MKX: variants seen among roughly 807,000 people sequenced by gnomAD.
MKX encodes the protein homeobox protein Mohawk.
MKX carries 13 observed loss-of-function variants against 36.0 expected under a neutral mutation model. The observed-to-expected ratio is 0.36, with a 90% confidence interval of 0.24 to 0.57. The LOEUF (loss-of-function observed/expected upper bound fraction) is 0.57, where lower values mean the gene tolerates loss of function less well. Among genes scored for constraint, MKX ranks in the 20% least tolerant of loss-of-function variants. The pLI, the probability that MKX is intolerant of heterozygous loss-of-function variation, is 0.79. For synonymous variants in MKX, 176 were observed against 178.3 expected (o/e 0.99, Z 0.10); for missense variants, 458 against 456.4 (o/e 1.00, Z -0.03).
rs1190288953 is a variant in MKX, at chr10:27,744,540, CAG to C, written c.-82-1045_-82-1044del. Among the ~76,000 whole-genome samples, 1 of 152,076 alleles carries C rather than the reference CAG, an allele frequency of 6.6e-6. No homozygotes were observed. The highest frequency in any genetic ancestry group is 1.9e-4 in the East Asian group (1 of 5,152). On this transcript the variant is annotated intron_variant, in intron 1 of 6. Transcript: ENST00000419761. This position sits in a 1 kb window ranked among gnomAD's most constrained non-coding sequence, Gnocchi z 5.6. ...GCAAGTCCGCGCGGCCGCGGAGCCG[CAG>C]AGTTACAGCCCCAAGGCGCGCGGCG...
chr10:27,692,895 G>A (rs150613602), intron 5 of MKX, among the ~76,000 whole-genome samples: 2 of 152,304 alleles, frequency 1.3e-5, no homozygotes, highest in African/African-American at 2.4e-5. Flanking sequence ...TCTCTAAAGA[G>A]GAACAGGGAC....
At chr10:27,698,742 A>G (rs1049947019) in intron 5 of MKX, among the ~76,000 whole-genome samples, 1 of 152,218 alleles carries the variant, frequency 6.6e-6, no homozygotes, top group Non-Finnish European at 1.5e-5. Flanking sequence ...TTTTGCAAAA[A>G]GAAAACCGCG....
chr10:27,706,345 G>T (rs750499745), intron 5 of MKX, among the ~76,000 whole-genome samples: 9 of 152,066 alleles, frequency 5.9e-5, no homozygotes, highest in Non-Finnish European at 4.4e-5. Context: ...ACAAACATGG[G>T]TATACAAATA....
Position 27,708,742 on chromosome 10 carries a change from G to A in MKX, c.838+25714C>T, listed in dbSNP as rs956427506. 8.3e-5 allele frequency among the ~76,000 whole-genome samples: 12 copies of A among 143,942 alleles called. 1 individual carries two copies. Among genetic ancestry groups the A allele is most frequent in the Admixed American group, 6.2e-4 (9 of 14,610 alleles). The allele number at this position is 143,942 out of a possible 152,430, so 94.4% of individuals were successfully genotyped here. A position where few individuals can be genotyped will look rare whatever the true frequency, so the allele number is the denominator to read the frequency against. ...GACTTCTTTTCAAAAAAAAAAAAAC[G>A]ACTATTGCCAGATAATATGTCGAGT... On this transcript the variant is annotated intron_variant, in intron 5 of 6. Coordinates refer to ENST00000419761, the MANE Select transcript of MKX (RefSeq NM_173576.3).
At chr10:27,708,831 CAACA>C (rs1836803237) in intron 5 of MKX, among the ~76,000 whole-genome samples, 1 of 151,964 alleles carries the variant, frequency 6.6e-6, no homozygotes, top group African/African-American at 2.4e-5. Context: ...CAGATCCAAC[CAACA>C]GTGAATCGAA....
intron 5 of MKX, among the ~76,000 whole-genome samples, chr10:27,689,950 C>T (rs1334312681): frequency 6.6e-6 from 1 of 152,186 alleles, no homozygotes; most frequent in African/African-American, 2.4e-5. Flanking sequence ...TGATTATGTT[C>T]CTTTCCTATT....
intron 5 of MKX, among the ~76,000 whole-genome samples, chr10:27,699,896 G>T (rs1836622254): frequency 6.6e-6 from 1 of 152,170 alleles, no homozygotes; most frequent in South Asian, 2.1e-4. Context: ...ATATGCTATT[G>T]GCAAAGCTCA....
intron 5 of MKX, among the ~76,000 whole-genome samples, chr10:27,681,904 A>G (rs1212922734): frequency 6.6e-6 from 1 of 151,726 alleles, no homozygotes; most frequent in Non-Finnish European, 1.5e-5. Flanking sequence ...CCTGGGTGAC[A>G]GAGCAAGACT....
intron 5 of MKX, among the ~76,000 whole-genome samples, chr10:27,703,987 A>AATG (rs1417828050): frequency 6.6e-6 from 1 of 152,196 alleles, no homozygotes; most frequent in Non-Finnish European, 1.5e-5. Flanking sequence ...AGACTACCAA[A>AATG]ATGATAAGCA....
At chr10:27,720,223 T>C (rs1335328229) in intron 5 of MKX, among the ~76,000 whole-genome samples, 1 of 151,958 alleles carries the variant, frequency 6.6e-6, no homozygotes, top group Non-Finnish European at 1.5e-5. Flanking sequence ...GCTAACTTTA[T>C]TTAAAATTTC....
At chr10:27,704,745 T>C (rs965919155) in intron 5 of MKX, among the ~76,000 whole-genome samples, 5 of 152,134 alleles carry the variant, frequency 3.3e-5, no homozygotes, top group Non-Finnish European at 5.9e-5. Context: ...ATTGAGACCA[T>C]AGAAATCCTT....
At position 27,744,407 on chromosome 10, in the gene MKX, G is replaced by A. The variant is rs1353146940; in HGVS notation, c.-82-910C>T. Among the ~76,000 whole-genome samples, 2 of 152,082 alleles carry A rather than the reference G, an allele frequency of 1.3e-5. No homozygotes were observed. Among genetic ancestry groups the A allele is most frequent in the African/African-American group, 4.8e-5 (2 of 41,412 alleles). ...GAAGCCCAAGGCAGGAGGCAGCTTG[G>A]TCGGCGCACCTCCCGGGCCACTGCT... On this transcript the variant is annotated intron_variant, in intron 1 of 6. Coordinates refer to ENST00000419761, the MANE Select transcript of MKX (RefSeq NM_173576.3). This position sits in a 1 kb window ranked among gnomAD's most constrained non-coding sequence, Gnocchi z 5.6.
At chr10:27,720,078 A>G (rs1834342856) in intron 5 of MKX, among the ~76,000 whole-genome samples, 1 of 152,056 alleles carries the variant, frequency 6.6e-6, no homozygotes, top group Non-Finnish European at 1.5e-5. Flanking sequence ...CTAGAAGATA[A>G]AGCTAAAACT....
intron 5 of MKX, among the ~76,000 whole-genome samples, chr10:27,727,137 A>G (rs1422022982): frequency 1.3e-5 from 2 of 152,238 alleles, no homozygotes; most frequent in Non-Finnish European, 2.9e-5. Context: ...GTACCACAAC[A>G]TAAAAGGACA....
intron 5 of MKX, among the ~76,000 whole-genome samples, chr10:27,732,850 C>T (rs1381762672): frequency 1.3e-5 from 2 of 151,978 alleles, no homozygotes; most frequent in Non-Finnish European, 1.5e-5. Flanking sequence ...TGGGCTCAAG[C>T]GGTCCTCCCA....
chr10:27,699,865 A>C (rs1836621400), intron 5 of MKX, among the ~76,000 whole-genome samples: 1 of 152,222 alleles, frequency 6.6e-6, no homozygotes, highest in African/African-American at 2.4e-5. Flanking sequence ...TTGTAGTAAG[A>C]ATTCAGCATT....
At chr10:27,703,055 T>C (rs945291076) in intron 5 of MKX, among the ~76,000 whole-genome samples, 1 of 152,166 alleles carries the variant, frequency 6.6e-6, no homozygotes, top group African/African-American at 2.4e-5. Context: ...TGCTCATCGT[T>C]CAAAAAACAC....
In MKX at chr10:27,743,393, T is replaced by C. The variant is rs756594759; in HGVS notation, c.23A>G (p.Lys8Arg). MNTIVFN[K>R]LSGAVLFEDG... The stretch of plus-strand genomic sequence containing the variant: ...CTCAAACAGCACCGCACCGCTGAGC[T>C]TGTTGAAGACGATGGTGTTCATGGT... Residue 8 changes from lysine to arginine, a missense_variant, in exon 2 of 7, where the codon AAG becomes AGG. Lys to Arg is a conservative substitution (Grantham distance 26). This residue lies in a region of MKX where 149 missense variants were observed against 114.3 expected (regional missense o/e 1.30). Coordinates refer to ENST00000419761, the MANE Select transcript of MKX (RefSeq NM_173576.3). 4 of 1,567,150 alleles carry C rather than the reference T, an allele frequency of 2.6e-6. No homozygotes were observed. The Admixed American group carries it at 7.6e-5, about 30-fold the overall frequency.
intron 5 of MKX, among the ~76,000 whole-genome samples, chr10:27,684,727 T>C (rs992138654): frequency 6.6e-6 from 1 of 152,246 alleles, no homozygotes; most frequent in African/African-American, 2.4e-5. Context: ...TATTAAGCAG[T>C]GCAAATGTTG....
Sources: allele counts gnomAD v4.1 joint callset (sites outside exome capture counted in the v4.1 genomes callset), GRCh38; gene constraint gnomAD v4.1.1; regional missense constraint gnomAD v4.1.1; non-coding constraint Gnocchi (gnomAD v3.1); transcripts MANE v1.5; gene names NCBI Gene and HGNC (gene_info 2026-07-23, HGNC 2026-07-21).